Variants in ABHD6 observed in about 807,000 individuals in gnomAD.
The protein encoded by ABHD6 is abhydrolase domain containing 6, acylglycerol lipase.
A neutral mutation model predicts 38.8 loss-of-function variants in ABHD6; 33 were observed. The ratio of observed to expected loss-of-function variants is 0.85; its 90% confidence interval spans 0.64 to 1.14. ABHD6 has a LOEUF of 1.14. Among genes scored for constraint, ABHD6 ranks in the 50% most tolerant of loss-of-function variants. The pLI is 0.00. For missense variants in ABHD6, 380 were observed against 422.6 expected (o/e 0.90, Z 0.88); for synonymous variants, 147 against 161.6 (o/e 0.91, Z 0.69).
chr3:58,286,649 C>T (rs906888111), intron 9 of ABHD6, among the ~76,000 whole-genome samples: 6 of 151,226 alleles, frequency 4.0e-5, no homozygotes, highest in Non-Finnish European at 5.9e-5. Flanking sequence ...TTTATAAAAA[C>T]GGGCAGTGAG....
chr3:58,261,957 TG>T (rs2097437290), intron 3 of ABHD6, among the ~76,000 whole-genome samples: 1 of 152,154 alleles, frequency 6.6e-6, no homozygotes, highest in African/African-American at 2.4e-5. Flanking sequence ...AACAGACAAA[TG>T]GATAAACAAA....
intron 2 of ABHD6, among the ~76,000 whole-genome samples, chr3:58,253,262 A>C (rs1559772149): frequency 6.6e-6 from 1 of 151,956 alleles, no homozygotes. Context: ...AACTGTTCTA[A>C]TTCCTAGTCC....
At chr3:58,279,978 T>A (rs1270348418) in intron 7 of ABHD6, among the ~76,000 whole-genome samples, 3 of 152,228 alleles carry the variant, frequency 2.0e-5, no homozygotes, top group African/African-American at 7.2e-5. Context: ...CTGATGGGCT[T>A]CCCTTTGTGG....
At chr3:58,270,593 G>C (rs1175997284) in intron 5 of ABHD6, among the ~76,000 whole-genome samples, 2 of 151,764 alleles carry the variant, frequency 1.3e-5, no homozygotes, top group East Asian at 1.9e-4. Context: ...AGGATCACCT[G>C]AGCCCCAGAG....
rs1417986843 is a variant in ABHD6, at chr3:58,286,851, T to C, written c.837+1398T>C. Among the ~76,000 whole-genome samples, 11 of 62,386 alleles carry C rather than the reference T, an allele frequency of 1.8e-4. No individual in the cohort carries two copies. The South Asian group carries it at 2.5e-3, about 14-fold the overall frequency. 40.9% of individuals were successfully genotyped at this position (62,386 alleles called of 152,430 possible). A position where few individuals can be genotyped will look rare whatever the true frequency, so the allele number is the denominator to read the frequency against. On this transcript the variant is annotated intron_variant, in intron 9 of 9. Coordinates refer to ENST00000478253, the MANE Select transcript of ABHD6 (RefSeq NM_001320126.2). ...GTGTGTGTGTGTGTGTGTGTGTGTG[T>C]GTATATATATATATATATGTATATG...
chr3:58,265,321 G>A lies in ABHD6; in HGVS notation c.120-1868G>A, dbSNP rs568288316. Among the ~76,000 whole-genome samples the A allele has an allele frequency of 3.9e-5, 6 of 152,222 alleles. No homozygotes were observed. Among genetic ancestry groups the A allele is most frequent in the African/African-American group, 1.4e-4 (6 of 41,550 alleles). On this transcript the variant is annotated intron_variant, in intron 3 of 9. Transcript: ENST00000478253. This position sits in a 1 kb window ranked among gnomAD's most constrained non-coding sequence, Gnocchi z 4.2. ...GGTACCTTTTCATTTATTTTGCCTA[G>A]TGTTGAATTAGGGTTTTAGCATGGT...
At position 58,293,620 on chromosome 3, in the gene ABHD6, C is replaced by T. The variant is rs1476610162; in HGVS notation, c.869C>T (p.Ala290Val). 3 of 1,614,010 alleles carry T rather than the reference C, an allele frequency of 1.9e-6. No homozygotes were observed. Among genetic ancestry groups the T allele is most frequent in the Admixed American group, 3.3e-5 (2 of 59,982 alleles). ...GATGTGTCTGGGGCAGACATGTTGG[C>T]CAAGTCAATTGCCAACTGCCAGGTG... Reference protein sequence around the residue: ...VLDVSGADMLAKSIANCQVEL... With the variant: ...VLDVSGADMLVKSIANCQVEL... Residue 290 changes from alanine to valine, a missense_variant, in exon 10 of 10, where the codon GCC becomes GTC. Physicochemically the swap from Ala to Val is moderately conservative, Grantham distance 64 (BLOSUM62 0). Coordinates refer to ENST00000478253, the MANE Select transcript of ABHD6 (RefSeq NM_001320126.2). This position sits in a 1 kb window ranked among gnomAD's most constrained non-coding sequence, Gnocchi z 4.4.
chr3:58,255,552 T>A (rs1197193563), intron 2 of ABHD6, among the ~76,000 whole-genome samples: 1 of 151,874 alleles, frequency 6.6e-6, no homozygotes, highest in Non-Finnish European at 1.5e-5. Context: ...TTCAAACTCC[T>A]GGGCTCAAGT....
intron 2 of ABHD6, among the ~76,000 whole-genome samples, chr3:58,252,241 T>TTG (rs934547582): frequency 1.4e-5 from 2 of 144,856 alleles, no homozygotes; most frequent in African/African-American, 2.6e-5. Context: ...TTTTTTTTTT[T>TTG]TTTTTTTTTT....
chr3:58,248,137 T>C (rs2097427657), intron 1 of ABHD6, among the ~76,000 whole-genome samples: 1 of 152,158 alleles, frequency 6.6e-6, no homozygotes, highest in Non-Finnish European at 1.5e-5. Flanking sequence ...TCCATGCTTT[T>C]TTGAGTTAAT....
At chr3:58,249,306 A>T (rs1575514186) in intron 1 of ABHD6, among the ~76,000 whole-genome samples, 1 of 152,248 alleles carries the variant, frequency 6.6e-6, no homozygotes, top group East Asian at 1.9e-4. Context: ...TATTTTTTAT[A>T]TTTAATTCTT....
rs1237489832 is a variant in ABHD6, at chr3:58,294,505, A to G, written c.*740A>G. The G allele has an allele frequency of 6.6e-6, 1 of 152,648 alleles. No individual in the cohort carries two copies. The highest frequency in any genetic ancestry group is 1.5e-5 in the Non-Finnish European group (1 of 68,044). The allele number at this position is 152,648 out of a possible 1,614,324, so 9.5% of individuals were successfully genotyped here. A position where few individuals can be genotyped will look rare whatever the true frequency, so the allele number is the denominator to read the frequency against. On this transcript the variant is annotated 3_prime_UTR_variant, in exon 10 of 10. Coordinates refer to ENST00000478253, the MANE Select transcript of ABHD6 (RefSeq NM_001320126.2). ...TAAAAATAGGCCTAATAAAGCAATA[A>G]TGTTCTAGACATCTGTCTAAGTAAT...
At chr3:58,248,815 A>G (rs2097428153) in intron 1 of ABHD6, among the ~76,000 whole-genome samples, 1 of 152,270 alleles carries the variant, frequency 6.6e-6, no homozygotes, top group African/African-American at 2.4e-5. Flanking sequence ...AAATTGGTAC[A>G]TTATATGAGA....
Position 58,256,182 on chromosome 3 carries a change from A to G in ABHD6, c.-25-380A>G, listed in dbSNP as rs2097433224. On this transcript the variant is annotated intron_variant, in intron 2 of 9. Transcript: ENST00000478253. This position sits in a 1 kb window ranked among gnomAD's most constrained non-coding sequence, Gnocchi z 4.3. ...ATACCATTATACTTCACCCCTTACA[A>G]CTTCAGCAAACATCTCCTAAAAGGG... 6.6e-6 allele frequency among the ~76,000 whole-genome samples: 1 copy of G among 151,718 alleles called. No homozygotes were observed. The highest frequency in any genetic ancestry group is 2.4e-5 in the African/African-American group (1 of 41,274).
chr3:58,264,923 A>G (rs947871531), intron 3 of ABHD6, among the ~76,000 whole-genome samples: 3 of 152,114 alleles, frequency 2.0e-5, no homozygotes, highest in African/African-American at 7.2e-5. Context: ...ACACTCTTCA[A>G]GTTATTTAAA....
At chr3:58,245,228 G>A (rs1442784707) in intron 1 of ABHD6, among the ~76,000 whole-genome samples, 1 of 152,088 alleles carries the variant, frequency 6.6e-6, no homozygotes, top group Non-Finnish European at 1.5e-5. Flanking sequence ...GCAATGGCTC[G>A]ATCTCAGCTC....
chr3:58,289,379 A>AGGCCTTCC (rs1191605651), intron 9 of ABHD6, among the ~76,000 whole-genome samples: 1 of 151,250 alleles, frequency 6.6e-6, no homozygotes, highest in East Asian at 1.9e-4. Context: ...GAGGACCCTG[A>AGGCCTTCC]GGCCTTCCGC....
In ABHD6 at chr3:58,269,967, G is replaced by A. The variant is rs878923357; in HGVS notation, c.390+533G>A. On this transcript the variant is annotated intron_variant, in intron 5 of 9. Coordinates refer to ENST00000478253, the MANE Select transcript of ABHD6 (RefSeq NM_001320126.2). The surrounding 1 kb of genome is among the most constrained non-coding windows in gnomAD (Gnocchi z 4.4). ...ACCTTAAATATTTTCCCCCAAATGA[G>A]GATATTTAATATCTGCCTCCTCCAT... is the stretch of plus-strand genomic sequence containing the variant. Among the ~76,000 whole-genome samples, 3 of 152,148 alleles carry A rather than the reference G, an allele frequency of 2.0e-5. No individual in the cohort carries two copies. The highest frequency in any genetic ancestry group is 7.2e-5 in the African/African-American group (3 of 41,436).
At chr3:58,291,216 A>G (rs181333459) in intron 9 of ABHD6, among the ~76,000 whole-genome samples, 34,419 of 150,218 alleles carry the variant, frequency 0.23, 5,713 homozygotes, top group East Asian at 0.78. Flanking sequence ...TCTCCACCAA[A>G]AAAATACGAA....
Sources: allele counts gnomAD v4.1 joint callset (sites outside exome capture counted in the v4.1 genomes callset), GRCh38; gene constraint gnomAD v4.1.1; non-coding constraint Gnocchi (gnomAD v3.1); transcripts MANE v1.5; gene names NCBI Gene and HGNC (gene_info 2026-07-23, HGNC 2026-07-21).